PDE7B: variants seen among roughly 807,000 people sequenced by gnomAD.
The protein encoded by PDE7B is 3',5'-cyclic-AMP phosphodiesterase 7B.
Under a neutral mutation model 56.2 loss-of-function variants are expected in PDE7B, and 29 were observed. The observed-to-expected ratio is 0.52, with a 90% CI of 0.38 to 0.70. The LOEUF (loss-of-function observed/expected upper bound fraction) is 0.70. PDE7B is among the 30% of genes least tolerant of loss of function. The pLI is 0.00. For missense variants in PDE7B, 490 were observed against 565.0 expected (o/e 0.87, Z 1.35); for synonymous variants, 197 against 196.9 (o/e 1.00, Z 0.00).
chr6:135,905,348 A>G lies in PDE7B; in HGVS notation c.22-42116A>G, dbSNP rs202043028. 1.4e-4 allele frequency among the ~76,000 whole-genome samples: 21 copies of G among 148,258 alleles called. No individual in the cohort carries two copies. The East Asian group carries it at 2.2e-3, about 16-fold the overall frequency. On this transcript the variant is annotated intron_variant, in intron 1 of 12. Coordinates refer to ENST00000308191, the MANE Select transcript of PDE7B (RefSeq NM_018945.4). Reference sequence around the variant, plus strand: ...CATACATACATGCGTGTGTGTGTGTATGTGTGTGTGTGTGTGTGTGTGTGT... The same window carrying G: ...CATACATACATGCGTGTGTGTGTGTGTGTGTGTGTGTGTGTGTGTGTGTGT...
At chr6:136,135,514 A>G (rs998711124) in intron 3 of PDE7B, among the ~76,000 whole-genome samples, 4 of 151,932 alleles carry the variant, frequency 2.6e-5, no homozygotes, top group African/African-American at 9.7e-5. Context: ...CATGTGAGGA[A>G]ATCTCCACAC....
intron 2 of PDE7B, among the ~76,000 whole-genome samples, chr6:135,968,414 A>G (rs1185004465): frequency 6.6e-6 from 1 of 152,162 alleles, no homozygotes; most frequent in African/African-American, 2.4e-5. Flanking sequence ...CCATCTGACA[A>G]TTCTAACATC....
intron 8 of PDE7B, among the ~76,000 whole-genome samples, chr6:136,156,357 TTC>T (rs1342264023): frequency 2.0e-5 from 3 of 152,226 alleles, no homozygotes; most frequent in African/African-American, 7.2e-5. Context: ...ACCTGACTAA[TTC>T]TGTTTTTCAT....
chr6:136,131,030 G>A (rs918240638), intron 3 of PDE7B, among the ~76,000 whole-genome samples: 1 of 152,158 alleles, frequency 6.6e-6, no homozygotes, highest in Non-Finnish European at 1.5e-5. Flanking sequence ...TGAGATTTGG[G>A]TGAGGACACA....
intron 2 of PDE7B, among the ~76,000 whole-genome samples, chr6:136,039,068 C>T (rs914111045): frequency 1.3e-5 from 2 of 152,042 alleles, no homozygotes; most frequent in African/African-American, 4.8e-5. Context: ...CTTGGTTTCC[C>T]CTTTGGCAAA....
chr6:135,883,988 G>T (rs995240406), intron 1 of PDE7B, among the ~76,000 whole-genome samples: 1 of 152,146 alleles, frequency 6.6e-6, no homozygotes, highest in African/African-American at 2.4e-5. Flanking sequence ...GCGTTTGGTA[G>T]GAAGGACTCA....
chr6:136,162,802 G>A (rs1778728707), intron 8 of PDE7B, among the ~76,000 whole-genome samples: 1 of 152,166 alleles, frequency 6.6e-6, no homozygotes, highest in African/African-American at 2.4e-5. Context: ...AAACAAAAGG[G>A]TTACAGGCCC....
intron 1 of PDE7B, among the ~76,000 whole-genome samples, chr6:135,871,697 T>C (rs529822116): frequency 6.6e-6 from 1 of 152,322 alleles, no homozygotes; most frequent in East Asian, 1.9e-4. Flanking sequence ...TCACTAACTG[T>C]TCCGTGCCTC....
At chr6:135,864,517 T>G (rs1775213718) in intron 1 of PDE7B, among the ~76,000 whole-genome samples, 1 of 152,152 alleles carries the variant, frequency 6.6e-6, no homozygotes, top group Non-Finnish European at 1.5e-5. Flanking sequence ...AAAATATTAT[T>G]GTATTGTCTT....
At chr6:135,895,913 C>G (rs773123152) in intron 1 of PDE7B, among the ~76,000 whole-genome samples, 1 of 152,146 alleles carries the variant, frequency 6.6e-6, no homozygotes, top group Non-Finnish European at 1.5e-5. Context: ...CCCTAGCTCA[C>G]CCTAGGCTCT....
chr6:136,192,083 C>T lies in PDE7B; in HGVS notation c.*243C>T. 1 of 527,256 alleles carries T rather than the reference C, an allele frequency of 1.9e-6. No homozygotes were observed. The highest frequency in any genetic ancestry group is 3.4e-6 in the Non-Finnish European group (1 of 290,686). 32.7% of individuals were successfully genotyped at this position (527,256 alleles called of 1,614,324 possible). Reference sequence around the variant, plus strand: ...CCATTCAGTAACGTGGGAGCTGATCCCACGGGCAGGCTCTCCCTGCTCCAG... The same window carrying T: ...CCATTCAGTAACGTGGGAGCTGATCTCACGGGCAGGCTCTCCCTGCTCCAG... On this transcript the variant is annotated 3_prime_UTR_variant, in exon 13 of 13. Transcript: ENST00000308191.
intron 2 of PDE7B, among the ~76,000 whole-genome samples, chr6:136,075,666 C>G (rs1477095374): frequency 2.0e-5 from 3 of 152,222 alleles, no homozygotes; most frequent in Non-Finnish European, 4.4e-5. Flanking sequence ...GCCATCTCTT[C>G]TCCCTTGTTT....
At chr6:136,065,878 C>T (rs906433142) in intron 2 of PDE7B, among the ~76,000 whole-genome samples, 29 of 152,122 alleles carry the variant, frequency 1.9e-4, no homozygotes, top group African/African-American at 6.8e-4. Flanking sequence ...AAGATATGCT[C>T]TTTATTTTTT....
chr6:135,896,295 C>T (rs548994138), intron 1 of PDE7B, among the ~76,000 whole-genome samples: 18 of 152,186 alleles, frequency 1.2e-4, no homozygotes, highest in South Asian at 2.1e-4. Flanking sequence ...TGTTCATACA[C>T]GAACAGGTTG....
At chr6:136,156,102 A>T in intron 8 of PDE7B, 1 of 378,030 alleles carries the variant, frequency 2.6e-6, no homozygotes, top group South Asian at 2.1e-5. Context: ...CCCATCAGTA[A>T]ATTTATTCTC....
chr6:135,987,640 A>G (rs1775405816), intron 2 of PDE7B, among the ~76,000 whole-genome samples: 1 of 152,180 alleles, frequency 6.6e-6, no homozygotes, highest in Admixed American at 6.5e-5. Context: ...TGATCACACC[A>G]ACGAGAAGGA....
chr6:136,101,711 A>G (rs1458239918), intron 2 of PDE7B, among the ~76,000 whole-genome samples: 1 of 152,124 alleles, frequency 6.6e-6, no homozygotes, highest in Non-Finnish European at 1.5e-5. Flanking sequence ...GCTGACTCCC[A>G]TACCTAAATG....
chr6:135,910,295 G>GTATC (rs1470178655), intron 1 of PDE7B, among the ~76,000 whole-genome samples: 6 of 152,118 alleles, frequency 3.9e-5, no homozygotes, highest in Non-Finnish European at 7.4e-5. Context: ...GACAATCTTG[G>GTATC]TATCCACAGG....
At chr6:136,106,231 T>C (rs1777643665) in intron 2 of PDE7B, among the ~76,000 whole-genome samples, 1 of 152,220 alleles carries the variant, frequency 6.6e-6, no homozygotes, top group South Asian at 2.1e-4. Context: ...GTCTCCCTTC[T>C]TACCATTATA....
Sources: allele counts gnomAD v4.1 joint callset (sites outside exome capture counted in the v4.1 genomes callset), GRCh38; gene constraint gnomAD v4.1.1; transcripts MANE v1.5; gene names NCBI Gene and HGNC (gene_info 2026-07-23, HGNC 2026-07-21).